Variants in STK10 observed in about 807,000 individuals in gnomAD.
STK10 encodes serine/threonine-protein kinase 10.
STK10 carries 78 observed loss-of-function variants against 113.8 expected under a neutral mutation model. The observed-to-expected ratio is 0.69, with a 90% CI of 0.57 to 0.83. STK10 has a LOEUF of 0.83. Ranked by LOEUF, STK10 falls within the 40% of genes least tolerant of loss-of-function variation. STK10 has a pLI of 0.00. For synonymous variants in STK10, 465 were observed against 494.7 expected, an observed-to-expected ratio of 0.94 and a Z score of 0.80; for missense variants, 1,109 against 1,280.1, an observed-to-expected ratio of 0.87 and a Z score of 2.04.
chr5:172,081,052 G>A (rs1371729034), intron 12 of STK10, among the ~76,000 whole-genome samples: 1 of 151,976 alleles, frequency 6.6e-6, no homozygotes, highest in Admixed American at 6.6e-5. Context: ...AAATCCTAGG[G>A]CCCTTAAGAA....
chr5:172,073,571 T>C (rs1453736545), intron 12 of STK10, among the ~76,000 whole-genome samples: 4 of 152,166 alleles, frequency 2.6e-5, no homozygotes, highest in Non-Finnish European at 5.9e-5. Flanking sequence ...TTGCTAGGAT[T>C]ATAGGCGTAA....
In STK10 at chr5:172,082,232, T is replaced by G; in HGVS notation, c.1989+94A>C. The G allele has an allele frequency of 1.4e-6, 2 of 1,388,244 alleles. No homozygotes were observed. Among genetic ancestry groups the G allele is most frequent in the Admixed American group, 2.7e-5 (1 of 37,002 alleles). The allele number at this position is 1,388,244 out of a possible 1,614,324, so 86.0% of individuals were successfully genotyped here. ...CCCGAGCTCTTCAGCCGTACCCCTC[T>G]GCTGCCAAGGTGAGGTTGAGGCCAC... On this transcript the variant is annotated intron_variant, in intron 12 of 18. Transcript: ENST00000176763. The surrounding 1 kb of genome is among the most constrained non-coding windows in gnomAD (Gnocchi z 4.3).
chr5:172,046,788 G>T (rs1407934493), intron 18 of STK10, among the ~76,000 whole-genome samples: 1 of 152,210 alleles, frequency 6.6e-6, no homozygotes, highest in Non-Finnish European at 1.5e-5. Flanking sequence ...ATCTGTAAAT[G>T]AACGAGCATG....
In STK10 at chr5:172,042,583, G is replaced by A. The variant is rs533715792; in HGVS notation, c.*2299C>T. The A allele has an allele frequency of 1.3e-5, 2 of 152,388 alleles. No individual in the cohort carries two copies. Among genetic ancestry groups the A allele is most frequent in the African/African-American group, 2.4e-5 (1 of 41,584 alleles). The allele number at this position is 152,388 out of a possible 1,614,324, so 9.4% of individuals were successfully genotyped here. A position where few individuals can be genotyped will look rare whatever the true frequency, so the allele number is the denominator to read the frequency against. On this transcript the variant is annotated 3_prime_UTR_variant, in exon 19 of 19. Transcript: ENST00000176763. ...GGAAATACTGTAAGCAAAGCCCAAA[G>A]CAGCCCTGTCTGGTGGTTCCCAACG... is the stretch of plus-strand genomic sequence containing the variant.
At chr5:172,055,849 C>G (rs1767741003) in intron 15 of STK10, 73 bp from the exon 16 acceptor site, 1 of 1,299,756 alleles carries the variant, frequency 7.7e-7, no homozygotes, top group Non-Finnish European at 1.0e-6. Flanking sequence ...GGCTAAAGGT[C>G]CCCACACTCC....
intron 2 of STK10, among the ~76,000 whole-genome samples, chr5:172,138,132 T>A (rs865842420): frequency 6.6e-6 from 1 of 152,160 alleles, no homozygotes; most frequent in African/African-American, 2.4e-5. Flanking sequence ...TATTATTATT[T>A]TTTTATTGAG....
intron 3 of STK10, among the ~76,000 whole-genome samples, chr5:172,124,886 T>TA (rs56694092): frequency 0.016 from 2,290 of 144,598 alleles, 62 homozygotes; most frequent in African/African-American, 0.057. Context: ...ATATATATAT[T>TA]TTTTTCCCCC....
intron 12 of STK10, among the ~76,000 whole-genome samples, chr5:172,081,295 G>T (rs1175987313): frequency 6.8e-6 from 1 of 147,812 alleles, no homozygotes; most frequent in Non-Finnish European, 1.5e-5. Flanking sequence ...AGGTTGCAGT[G>T]AGCCGAGATT....
chr5:172,182,995 C>T (rs1469428037), intron 1 of STK10, among the ~76,000 whole-genome samples: 1 of 152,064 alleles, frequency 6.6e-6, no homozygotes, highest in Non-Finnish European at 1.5e-5. Flanking sequence ...TCACTTGAGC[C>T]TAGGAGTTCA....
At chr5:172,084,827 G>A (rs1193286171) in intron 10 of STK10, among the ~76,000 whole-genome samples, 3 of 152,152 alleles carry the variant, frequency 2.0e-5, no homozygotes, top group Admixed American at 2.0e-4. Flanking sequence ...TCTGAAGTCC[G>A]AAATGTTCCA....
chr5:172,157,593 T>G (rs1770377797), intron 1 of STK10, among the ~76,000 whole-genome samples: 1 of 152,084 alleles, frequency 6.6e-6, no homozygotes, highest in Admixed American at 6.5e-5. Flanking sequence ...TTTAAAAATT[T>G]TTTTTGTTGT....
intron 7 of STK10, among the ~76,000 whole-genome samples, chr5:172,104,195 G>C (rs978545636): frequency 1.3e-5 from 2 of 152,352 alleles, no homozygotes; most frequent in African/African-American, 2.4e-5. Context: ...GGGCAGGACC[G>C]GAGCCGACAC....
intron 7 of STK10, among the ~76,000 whole-genome samples, chr5:172,099,936 A>C (rs1377938746): frequency 6.6e-6 from 1 of 152,128 alleles, no homozygotes; most frequent in Non-Finnish European, 1.5e-5. Flanking sequence ...TGCCTCCCTG[A>C]CCACCCCAGC....
At chr5:172,066,946 C>G (rs187273691) in intron 12 of STK10, among the ~76,000 whole-genome samples, 1 of 152,172 alleles carries the variant, frequency 6.6e-6, no homozygotes, top group East Asian at 1.9e-4. Flanking sequence ...AAACCACTAC[C>G]CACAGAAGAT....
Position 172,054,655 on chromosome 5 carries a change from G to A in STK10, c.2566C>T (p.Leu856=). The A allele has an allele frequency of 6.2e-7, 1 of 1,611,070 alleles. No homozygotes were observed. Residue 856 remains leucine (L), a synonymous_variant, in exon 17 of 19, where the codon CTG becomes TTG. Coordinates refer to ENST00000176763, the MANE Select transcript of STK10 (RefSeq NM_005990.4). ...QEEKRQKSER[L]QQQQKHENQM... ...TTCTCGTGTTTCTGCTGTTGCTGCA[G>A]CCGCTCCGACTTCTGCCTCTTCTCC... is the stretch of plus-strand genomic sequence containing the variant.
intron 12 of STK10, 54 bp from the exon 13 acceptor site, chr5:172,064,866 AC>A: frequency 1.9e-6 from 3 of 1,589,346 alleles, no homozygotes; most frequent in Non-Finnish European, 2.6e-6. Context: ...CATGCTTCCT[AC>A]AGTATAATCT....
chr5:172,044,795 A>G lies in STK10; in HGVS notation c.*87T>C, dbSNP rs1767461182. On this transcript the variant is annotated 3_prime_UTR_variant, in exon 19 of 19. Transcript: ENST00000176763. The surrounding 1 kb of genome is among the most constrained non-coding windows in gnomAD (Gnocchi z 4.5). ...TGAGCTGGCACAGACGCAAGAGGGA[A>G]AAGGGGTCCTGAGTTACATGTTCAC... 1 of 1,604,024 alleles carries G rather than the reference A, an allele frequency of 6.2e-7. No homozygotes were observed.
intron 1 of STK10, among the ~76,000 whole-genome samples, chr5:172,179,567 C>T (rs927194506): frequency 6.6e-6 from 1 of 152,192 alleles, no homozygotes; most frequent in Non-Finnish European, 1.5e-5. Context: ...ATTCCCAGAA[C>T]GGCCAGTGTG....
chr5:172,073,343 G>A (rs1768238108), intron 12 of STK10, among the ~76,000 whole-genome samples: 1 of 152,088 alleles, frequency 6.6e-6, no homozygotes, highest in African/African-American at 2.4e-5. Context: ...GTAGAGATGA[G>A]GTTTCACCAT....
Sources: allele counts gnomAD v4.1 joint callset (sites outside exome capture counted in the v4.1 genomes callset), GRCh38; gene constraint gnomAD v4.1.1; non-coding constraint Gnocchi (gnomAD v3.1); transcripts MANE v1.5; gene names NCBI Gene and HGNC (gene_info 2026-07-23, HGNC 2026-07-21).